GRID2: variants seen among roughly 807,000 people sequenced by gnomAD.
GRID2 encodes the protein glutamate receptor ionotropic, delta-2.
A neutral mutation model predicts 114.8 loss-of-function variants in GRID2; 33 were observed. The observed-to-expected ratio is 0.29, with a 90% confidence interval of 0.22 to 0.38. The LOEUF is 0.38. GRID2 is among the 10% of genes least tolerant of loss of function. The probability of loss-of-function intolerance (pLI) is 1.00; values close to 1 mark genes in which losing one functional copy is unlikely to be tolerated. For missense variants in GRID2, 1,184 were observed against 1,257.7 expected, an observed-to-expected ratio of 0.94 and a Z score of 0.89; for synonymous variants, 505 against 449.9, an observed-to-expected ratio of 1.12 and a Z score of -1.55.
At chr4:93,366,211 C>G (rs1391134947) in intron 8 of GRID2, among the ~76,000 whole-genome samples, 1 of 152,142 alleles carries the variant, frequency 6.6e-6, no homozygotes, top group Non-Finnish European at 1.5e-5. Context: ...TGGAACAGAG[C>G]CATATTTCTC....
intron 1 of GRID2, among the ~76,000 whole-genome samples, chr4:92,385,904 A>G (rs200041539): frequency 0.046 from 3,827 of 82,616 alleles, 146 homozygotes; most frequent in African/African-American, 0.15. Context: ...GTGTGTGTAT[A>G]TATATATATA....
At chr4:92,540,364 A>G (rs1725873472) in intron 1 of GRID2, among the ~76,000 whole-genome samples, 1 of 152,204 alleles carries the variant, frequency 6.6e-6, no homozygotes, top group Non-Finnish European at 1.5e-5. Context: ...CAGGCAACCT[A>G]CAGATTGGGA....
chr4:92,945,864 A>G (rs1023060360), intron 2 of GRID2, among the ~76,000 whole-genome samples: 8 of 152,018 alleles, frequency 5.3e-5, no homozygotes, highest in Non-Finnish European at 1.0e-4. Context: ...CTCTAAGTGT[A>G]TTTTAGGAAA....
chr4:92,557,975 T>G (rs1726937535), intron 1 of GRID2, among the ~76,000 whole-genome samples: 1 of 152,186 alleles, frequency 6.6e-6, no homozygotes, highest in African/African-American at 2.4e-5. Context: ...TTACTTGGTC[T>G]AGATTTTGTC....
intron 13 of GRID2, among the ~76,000 whole-genome samples, chr4:93,586,026 G>T (rs539759499): frequency 6.6e-6 from 1 of 152,156 alleles, no homozygotes; most frequent in East Asian, 1.9e-4. Flanking sequence ...CTGTTAAATT[G>T]ATGACAGCCA....
chr4:92,671,360 G>C (rs188596995), intron 2 of GRID2, among the ~76,000 whole-genome samples: 1 of 152,122 alleles, frequency 6.6e-6, no homozygotes, highest in East Asian at 1.9e-4. Context: ...TGAGATTTTG[G>C]TGGGGACAGA....
intron 1 of GRID2, among the ~76,000 whole-genome samples, chr4:92,320,887 T>C (rs900133068): frequency 6.6e-6 from 1 of 152,196 alleles, no homozygotes; most frequent in Admixed American, 6.5e-5. Context: ...AATGGCACCA[T>C]TAATTTATTT....
intron 1 of GRID2, among the ~76,000 whole-genome samples, chr4:92,570,875 G>A (rs1727578333): frequency 6.6e-6 from 1 of 151,972 alleles, no homozygotes; most frequent in African/African-American, 2.4e-5. Flanking sequence ...TCTAGATACA[G>A]CATTATGTCA....
At chr4:93,121,646 T>A (rs2149362798) in intron 4 of GRID2, among the ~76,000 whole-genome samples, 1 of 152,276 alleles carries the variant, frequency 6.6e-6, no homozygotes, top group South Asian at 2.1e-4. Flanking sequence ...GTTGAGTATA[T>A]ACTTAGGAAT....
chr4:93,733,965 ACT>A (rs1730709656), intron 14 of GRID2, among the ~76,000 whole-genome samples: 1 of 151,788 alleles, frequency 6.6e-6, no homozygotes, highest in African/African-American at 2.4e-5. Context: ...CTTTTTTAAA[ACT>A]CTTCTTAAAT....
chr4:93,729,861 G>A (rs749348359), intron 14 of GRID2, among the ~76,000 whole-genome samples: 1 of 152,150 alleles, frequency 6.6e-6, no homozygotes, highest in Non-Finnish European at 1.5e-5. Context: ...GGCACCCAAT[G>A]CATGTATAAT....
chr4:92,933,155 A>G (rs896022320), intron 2 of GRID2, among the ~76,000 whole-genome samples: 7 of 150,290 alleles, frequency 4.7e-5, no homozygotes, highest in African/African-American at 1.5e-4. Context: ...TACATTATAT[A>G]TATATACACA....
chr4:93,273,496 C>T (rs1197603172), intron 8 of GRID2, among the ~76,000 whole-genome samples: 1 of 151,736 alleles, frequency 6.6e-6, no homozygotes, highest in East Asian at 1.9e-4. Context: ...CCCAATCCTC[C>T]AAACCTATGC....
chr4:93,278,091 C>A (rs552293467), intron 8 of GRID2, among the ~76,000 whole-genome samples: 5 of 151,904 alleles, frequency 3.3e-5, no homozygotes, highest in South Asian at 4.2e-4. Context: ...CAGACATGGG[C>A]AGTATATGGT....
intron 2 of GRID2, among the ~76,000 whole-genome samples, chr4:92,676,690 T>C (rs748851825): frequency 4.6e-5 from 7 of 152,100 alleles, no homozygotes; most frequent in African/African-American, 1.4e-4. Context: ...CATTTATGTA[T>C]AATGAGATGT....
chr4:93,630,386 C>T (rs1035441245), intron 14 of GRID2, among the ~76,000 whole-genome samples: 1 of 152,176 alleles, frequency 6.6e-6, no homozygotes, highest in African/African-American at 2.4e-5. Context: ...TTCGGGTTGA[C>T]TTCATTGTGC....
chr4:93,390,104 G>A (rs1398776417), intron 8 of GRID2, among the ~76,000 whole-genome samples: 1 of 151,936 alleles, frequency 6.6e-6, no homozygotes, highest in Non-Finnish European at 1.5e-5. Flanking sequence ...CAAGTTTTAG[G>A]GCAGTGGTTT....
At chr4:92,422,686 A>G (rs1731962978) in intron 1 of GRID2, among the ~76,000 whole-genome samples, 1 of 152,068 alleles carries the variant, frequency 6.6e-6, no homozygotes, top group African/African-American at 2.4e-5. Flanking sequence ...GGTCTGCAAA[A>G]TATCTCAAGC....
At chr4:92,446,749 G>T (rs1240405806) in intron 1 of GRID2, among the ~76,000 whole-genome samples, 1 of 152,184 alleles carries the variant, frequency 6.6e-6, no homozygotes. Flanking sequence ...TCTACAGCCT[G>T]TTCTATTGCA....
Sources: allele counts gnomAD v4.1 joint callset (sites outside exome capture counted in the v4.1 genomes callset), GRCh38; gene constraint gnomAD v4.1.1; transcripts MANE v1.5; gene names NCBI Gene and HGNC (gene_info 2026-07-23, HGNC 2026-07-21).